Variants in SBF2 observed in about 807,000 individuals in gnomAD.
SBF2 encodes SET binding factor 2.
SBF2 carries 112 observed loss-of-function variants against 225.2 expected under a neutral mutation model. That is an observed-to-expected ratio of 0.50 (90% CI 0.43 to 0.58). SBF2 has a LOEUF of 0.58. SBF2 is among the 20% of genes least tolerant of loss of function. The pLI is 0.00. For missense variants in SBF2, 1,996 were observed against 2,206.2 expected (o/e 0.90, Z 1.91); for synonymous variants, 763 against 773.3 (o/e 0.99, Z 0.22).
At chr11:10,245,119 G>A (rs543099449) in intron 1 of SBF2, among the ~76,000 whole-genome samples, 3 of 136,978 alleles carry the variant, frequency 2.2e-5, no homozygotes, top group Non-Finnish European at 3.1e-5. Flanking sequence ...GGGCAACGGA[G>A]TGAGACCCTG....
Position 10,294,161 on chromosome 11 carries a change from C to T in SBF2, c.-92G>A. 1.0e-6 allele frequency: 1 copy of T among 976,030 alleles called. No individual in the cohort carries two copies. Among genetic ancestry groups the T allele is most frequent in the Non-Finnish European group, 1.3e-6 (1 of 746,684 alleles). 60.5% of individuals were successfully genotyped at this position (976,030 alleles called of 1,614,324 possible). A position where few individuals can be genotyped will look rare whatever the true frequency, so the allele number is the denominator to read the frequency against. On this transcript the variant is annotated 5_prime_UTR_variant, in exon 1 of 40. Transcript: ENST00000256190. The stretch of plus-strand genomic sequence containing the variant: ...CCGGGAGGGCTCAGCATTTTCCCTG[C>T]AGCGGCAGTAGCGGCAGCGGCAGCG...
At chr11:10,093,390 A>C (rs903633629) in intron 2 of SBF2, among the ~76,000 whole-genome samples, 10 of 151,844 alleles carry the variant, frequency 6.6e-5, no homozygotes, top group Middle Eastern at 3.4e-3. Flanking sequence ...TGGAAAAAAA[A>C]AAAAAACAAA....
At chr11:10,097,974 AAAC>A (rs1952101270) in intron 2 of SBF2, among the ~76,000 whole-genome samples, 1 of 152,058 alleles carries the variant, frequency 6.6e-6, no homozygotes, top group African/African-American at 2.4e-5. Flanking sequence ...TGGGGACTCA[AAAC>A]AACTAGGGCA....
chr11:10,252,430 T>C (rs950033719), intron 1 of SBF2, among the ~76,000 whole-genome samples: 4 of 152,234 alleles, frequency 2.6e-5, no homozygotes, highest in African/African-American at 9.6e-5. Flanking sequence ...GTGTCTGTAA[T>C]AATAGCTAAA....
chr11:9,894,912 G>A (rs1340895408), intron 17 of SBF2, among the ~76,000 whole-genome samples: 1 of 152,046 alleles, frequency 6.6e-6, no homozygotes, highest in Non-Finnish European at 1.5e-5. Flanking sequence ...AACATGGGAG[G>A]AGGAGGTTGC....
At chr11:10,053,104 T>C (rs1950119661) in intron 2 of SBF2, among the ~76,000 whole-genome samples, 1 of 152,126 alleles carries the variant, frequency 6.6e-6, no homozygotes, top group Non-Finnish European at 1.5e-5. Context: ...ATAACATGTA[T>C]TTTCCCATGT....
intron 2 of SBF2, among the ~76,000 whole-genome samples, chr11:10,185,122 G>A (rs1192932269): frequency 6.6e-6 from 1 of 151,424 alleles, no homozygotes; most frequent in African/African-American, 2.4e-5. Context: ...GGGGGGGTGT[G>A]TGTGTGCGTG....
intron 1 of SBF2, among the ~76,000 whole-genome samples, chr11:10,283,529 G>GA (rs1261360158): frequency 1.3e-5 from 2 of 150,600 alleles, no homozygotes; most frequent in African/African-American, 4.9e-5. Context: ...AGACTGATAT[G>GA]AAAAAAAACA....
rs1378625317 is a variant in SBF2 at position 9,989,578 on chromosome 11, T to A, written c.1314A>T (p.Val438=). The A allele has an allele frequency of 6.2e-7, 1 of 1,603,010 alleles. No homozygotes were observed. The highest frequency in any genetic ancestry group is 1.1e-5 in the South Asian group (1 of 90,398). Residue 438 remains valine, a synonymous_variant, in exon 13 of 40, where the codon GTA becomes GTT. Transcript: ENST00000256190. ...DLFDELVAFE[V]ERIKVEENNP... ...TATTTTCTTCAACTTTAATTCTCTC[T>A]ACTTCAAAGGCTACCAACTAGGAAA...
At chr11:10,006,492 T>C (rs1948196338) in intron 6 of SBF2, among the ~76,000 whole-genome samples, 1 of 152,168 alleles carries the variant, frequency 6.6e-6, no homozygotes, top group South Asian at 2.1e-4. Flanking sequence ...AGGGCCTCAT[T>C]CTAGCCCTTT....
At chr11:10,066,190 C>T (rs530076685) in intron 2 of SBF2, among the ~76,000 whole-genome samples, 11 of 151,970 alleles carry the variant, frequency 7.2e-5, no homozygotes, top group East Asian at 1.9e-4. Context: ...TCTAAAAAAA[C>T]GGAAAAATAT....
chr11:10,071,666 T>C (rs1272797076), intron 2 of SBF2, among the ~76,000 whole-genome samples: 1 of 152,236 alleles, frequency 6.6e-6, no homozygotes, highest in East Asian at 1.9e-4. Flanking sequence ...TTGAGATACA[T>C]TCCATCAATA....
chr11:10,282,392 T>C (rs11042717), intron 1 of SBF2, among the ~76,000 whole-genome samples: 63,135 of 151,870 alleles, frequency 0.42, 13,697 homozygotes, highest in Non-Finnish European at 0.47. Context: ...TATTTGACAA[T>C]CAGCTGGCTA....
chr11:10,283,178 A>G (rs1418341039), intron 1 of SBF2, among the ~76,000 whole-genome samples: 2 of 152,206 alleles, frequency 1.3e-5, no homozygotes, highest in Non-Finnish European at 2.9e-5. Context: ...TGACTAGGTT[A>G]GGGATAGAGT....
intron 1 of SBF2, among the ~76,000 whole-genome samples, chr11:10,199,939 A>G (rs1476950880): frequency 6.6e-6 from 1 of 152,220 alleles, no homozygotes; most frequent in African/African-American, 2.4e-5. Flanking sequence ...ATATGTTCCA[A>G]CAATCCCACT....
chr11:10,283,407 A>G (rs1239447954), intron 1 of SBF2, among the ~76,000 whole-genome samples: 2 of 152,214 alleles, frequency 1.3e-5, no homozygotes, highest in Non-Finnish European at 2.9e-5. Context: ...AAAATGTGGT[A>G]TTTCAGGTGT....
At chr11:10,279,413 C>CA (rs775262387) in intron 1 of SBF2, among the ~76,000 whole-genome samples, 49,417 of 114,150 alleles carry the variant, frequency 0.43, 9,096 homozygotes, top group Non-Finnish European at 0.47. Flanking sequence ...GACTCCATCT[C>CA]AAAAAAAAAA....
At chr11:10,241,323 T>C (rs1379036272) in intron 1 of SBF2, among the ~76,000 whole-genome samples, 1 of 145,666 alleles carries the variant, frequency 6.9e-6, no homozygotes. Flanking sequence ...CACTGCACTC[T>C]GGCCTGGGTA....
At chr11:9,897,648 G>T (rs4910074) in intron 16 of SBF2, among the ~76,000 whole-genome samples, 88,263 of 152,006 alleles carry the variant, frequency 0.58, 26,161 homozygotes, top group African/African-American at 0.65. Context: ...GTGAAGAATA[G>T]TGATTAAAGC....
Sources: gnomAD v4.1 joint callset for allele counts (sites outside exome capture counted in the v4.1 genomes callset) on GRCh38, gnomAD v4.1.1 for gene constraint, MANE v1.5 for transcripts, NCBI Gene and HGNC (gene_info 2026-07-23, HGNC 2026-07-21) for gene names.